Variants in CHRM3 observed in about 807,000 individuals in gnomAD.
CHRM3 encodes cholinergic receptor muscarinic 3.
In CHRM3, 11 loss-of-function variants were observed where a neutral mutation model predicts 41.8. The observed-to-expected ratio is 0.26, with a 90% CI of 0.17 to 0.44. The LOEUF is 0.44. CHRM3 is among the 20% of genes least tolerant of loss of function. The pLI is 1.00. For synonymous variants in CHRM3, 297 were observed against 301.4 expected (o/e 0.99, Z 0.15); for missense variants, 571 against 745.4 (o/e 0.77, Z 2.72).
intron 3 of CHRM3, among the ~76,000 whole-genome samples, chr1:239,569,758 A>G (rs1661665727): frequency 6.6e-6 from 1 of 152,192 alleles, no homozygotes; most frequent in African/African-American, 2.4e-5. Context: ...ATTGGATGGC[A>G]AAGCTGGACT....
rs573537599 is a variant in CHRM3 at position 239,509,290 on chromosome 1, T to C, written c.-422+16483T>C. On this transcript the variant is annotated intron_variant, in intron 2 of 6. Coordinates refer to ENST00000676153, the MANE Select transcript of CHRM3 (RefSeq NM_001375978.1). The stretch of plus-strand genomic sequence containing the variant: ...TGTTACAGCAAGAACAGGTGTTTTT[T>C]TTAAACTAGTGAGTAATTACTGATC... 1.2e-4 allele frequency among the ~76,000 whole-genome samples: 18 copies of C among 152,344 alleles called. No individual in the cohort carries two copies. In the South Asian group the frequency reaches 2.3e-3, roughly 19 times the overall value.
At chr1:239,719,876 G>A (rs1406954151) in intron 5 of CHRM3, among the ~76,000 whole-genome samples, 1 of 151,944 alleles carries the variant, frequency 6.6e-6, no homozygotes, top group Non-Finnish European at 1.5e-5. Context: ...TGATATTTGT[G>A]TTGAGCTCTG....
chr1:239,897,303 A>G (rs913193417), intron 6 of CHRM3, among the ~76,000 whole-genome samples: 5 of 152,182 alleles, frequency 3.3e-5, no homozygotes, highest in African/African-American at 9.7e-5. Context: ...TCTGATAAAT[A>G]TGGACCTGGA....
At chr1:239,749,538 C>T (rs559365043) in intron 5 of CHRM3, among the ~76,000 whole-genome samples, 1 of 152,074 alleles carries the variant, frequency 6.6e-6, no homozygotes, top group Non-Finnish European at 1.5e-5. Context: ...TGTGGTAGCA[C>T]GTGCCTGTAA....
At chr1:239,707,542 G>A (rs545496614) in intron 5 of CHRM3, 2 of 152,262 alleles carry the variant, frequency 1.3e-5, no homozygotes, top group South Asian at 2.1e-4. Context: ...ACCAGTGTTT[G>A]TTAGAAGGAA....
At chr1:239,396,153 T>A (rs1473417703) in intron 1 of CHRM3, among the ~76,000 whole-genome samples, 1 of 152,200 alleles carries the variant, frequency 6.6e-6, no homozygotes, top group East Asian at 1.9e-4. Context: ...TGTTACTCTA[T>A]CAGAATCTCA....
rs748745390 is a variant in CHRM3 at position 239,387,761 on chromosome 1, G to T, written c.-521+534G>T. ...CACCCGCCAACCTCGCAGTGGGGCC[G>T]CAAGTTCGGATTGCATTTCAGGGGG... On this transcript the variant is annotated intron_variant, in intron 1 of 6. Transcript: ENST00000676153. This position sits in a 1 kb window ranked among gnomAD's most constrained non-coding sequence, Gnocchi z 5.1. Among the ~76,000 whole-genome samples the T allele has an allele frequency of 4.6e-5, 7 of 152,140 alleles. No homozygotes were observed. The highest frequency in any genetic ancestry group is 1.0e-4 in the Non-Finnish European group (7 of 68,032).
chr1:239,588,459 G>A (rs1002529041), intron 3 of CHRM3, among the ~76,000 whole-genome samples: 4 of 152,108 alleles, frequency 2.6e-5, no homozygotes, highest in Non-Finnish European at 5.9e-5. Context: ...TCAATGTATG[G>A]CCATAATCAA....
intron 3 of CHRM3, among the ~76,000 whole-genome samples, chr1:239,554,729 C>CTTTTT (rs750207504): frequency 4.4e-4 from 54 of 122,868 alleles, no homozygotes; most frequent in East Asian, 1.2e-3. Context: ...GTATTTCTTT[C>CTTTTT]TTTTTTTTTT....
chr1:239,569,327 T>G (rs1661629460), intron 3 of CHRM3, among the ~76,000 whole-genome samples: 1 of 152,158 alleles, frequency 6.6e-6, no homozygotes, highest in African/African-American at 2.4e-5. Context: ...AAGATACAAG[T>G]CTTCTAATGA....
At chr1:239,760,159 T>A (rs1666631813) in intron 5 of CHRM3, among the ~76,000 whole-genome samples, 1 of 151,720 alleles carries the variant, frequency 6.6e-6, no homozygotes, top group Non-Finnish European at 1.5e-5. Flanking sequence ...TCTCCTGACC[T>A]CGTGATCCGC....
chr1:239,458,420 A>T (rs772250794), intron 1 of CHRM3, among the ~76,000 whole-genome samples: 1 of 152,138 alleles, frequency 6.6e-6, no homozygotes, highest in African/African-American at 2.4e-5. Context: ...TCAGGGCTGT[A>T]TTGGTGTGGT....
intron 2 of CHRM3, among the ~76,000 whole-genome samples, chr1:239,515,602 A>G (rs770588661): frequency 6.6e-6 from 1 of 152,194 alleles, no homozygotes; most frequent in African/African-American, 2.4e-5. Flanking sequence ...AGCTTGCCAC[A>G]TGGCTTCAAA....
chr1:239,571,628 C>G (rs1661837981), intron 3 of CHRM3, among the ~76,000 whole-genome samples: 1 of 152,142 alleles, frequency 6.6e-6, no homozygotes, highest in Non-Finnish European at 1.5e-5. Flanking sequence ...CCTTACAGCA[C>G]TGTGCATTGT....
chr1:239,731,798 A>C (rs1418680086), intron 5 of CHRM3, among the ~76,000 whole-genome samples: 2 of 152,006 alleles, frequency 1.3e-5, no homozygotes, highest in African/African-American at 4.8e-5. Flanking sequence ...GTTTCCTCAA[A>C]AACAGAAAAA....
At chr1:239,578,697 A>G (rs1169244247) in intron 3 of CHRM3, among the ~76,000 whole-genome samples, 1 of 152,176 alleles carries the variant, frequency 6.6e-6, no homozygotes, top group Non-Finnish European at 1.5e-5. Flanking sequence ...ATTAATTGCT[A>G]TCTTTTTCAG....
chr1:239,742,366 G>A (rs115937782), intron 5 of CHRM3, among the ~76,000 whole-genome samples: 1 of 152,086 alleles, frequency 6.6e-6, no homozygotes, highest in Non-Finnish European at 1.5e-5. Context: ...ACTCCTATGA[G>A]CACAGTCACT....
At chr1:239,553,365 T>G (rs1660051067) in intron 3 of CHRM3, among the ~76,000 whole-genome samples, 1 of 152,140 alleles carries the variant, frequency 6.6e-6, no homozygotes, top group African/African-American at 2.4e-5. Context: ...TCCCCTACTA[T>G]GCTTCCGTGG....
At chr1:239,547,400 C>T (rs555228283) in intron 3 of CHRM3, among the ~76,000 whole-genome samples, 10 of 152,218 alleles carry the variant, frequency 6.6e-5, no homozygotes, top group African/African-American at 2.2e-4. Context: ...TTAATATGGA[C>T]GAGTGTTTGG....
Sources: allele counts gnomAD v4.1 joint callset (sites outside exome capture counted in the v4.1 genomes callset), GRCh38; gene constraint gnomAD v4.1.1; non-coding constraint Gnocchi (gnomAD v3.1); transcripts MANE v1.5; gene names NCBI Gene and HGNC (gene_info 2026-07-23, HGNC 2026-07-21).